The following DENND2A variants were observed in gnomAD, a reference collection of about 807,000 sequenced individuals.
DENND2A encodes DENN domain containing 2A, also known as DENN domain-containing protein 2A.
In DENND2A, 53 loss-of-function variants were observed where a neutral mutation model predicts 105.3. The observed-to-expected ratio is 0.50, with a 90% CI of 0.40 to 0.63. The LOEUF (loss-of-function observed/expected upper bound fraction) is 0.63, where lower values mean the gene tolerates loss of function less well. Ranked by LOEUF, DENND2A falls within the 30% of genes least tolerant of loss-of-function variation. The probability of loss-of-function intolerance (pLI) is 0.00; values close to 1 mark genes in which losing one functional copy is unlikely to be tolerated. For missense variants in DENND2A, 1,138 were observed against 1,279.6 expected, an observed-to-expected ratio of 0.89 and a Z score of 1.69; for synonymous variants, 522 against 508.4, an observed-to-expected ratio of 1.03 and a Z score of -0.36.
chr7:140,519,848 G>C, intron 18 of DENND2A, 130 bp from the exon 19 acceptor site: 2 of 772,804 alleles, frequency 2.6e-6, no homozygotes, highest in African/African-American at 1.7e-5. Context: ...AACATGCTCT[G>C]AATCAGGAGG....
chr7:140,639,964 C>T (rs890408283), intron 1 of DENND2A, among the ~76,000 whole-genome samples: 2 of 152,256 alleles, frequency 1.3e-5, no homozygotes, highest in African/African-American at 4.8e-5. Context: ...CAACTCCACC[C>T]TTGGGGACAA....
chr7:140,540,594 C>T (rs1421060493), intron 14 of DENND2A, among the ~76,000 whole-genome samples: 1 of 152,236 alleles, frequency 6.6e-6, no homozygotes, highest in Non-Finnish European at 1.5e-5. Flanking sequence ...TCTCTGGTGA[C>T]AGCAGCTCTG....
In DENND2A at chr7:140,546,811, A is replaced by G. The variant is rs1313108105; in HGVS notation, c.2166T>C (p.Gly722=). 1 of 1,614,002 alleles carries G rather than the reference A, an allele frequency of 6.2e-7. No homozygotes were observed. The highest frequency in any genetic ancestry group is 2.2e-5 in the East Asian group (1 of 44,904). Residue 722 remains glycine, a synonymous_variant, in exon 13 of 20, where the codon GGT becomes GGC. Coordinates refer to ENST00000496613, the MANE Select transcript of DENND2A (RefSeq NM_015689.5). Reference sequence around the variant, plus strand: ...TCTGACAACTCACCTCAGTTCCTGAACCTGGCAGGAAGTTCTTGACAAGGA... The same window carrying G: ...TCTGACAACTCACCTCAGTTCCTGAGCCTGGCAGGAAGTTCTTGACAAGGA... ...KTILVKNFLP[G]SGTEVIELCR...
Position 140,601,408 on chromosome 7 carries a change from G to T in DENND2A, c.990C>A (p.Asp330Glu), listed in dbSNP as rs1213322421. 16 of 1,592,560 alleles carry T rather than the reference G, an allele frequency of 1.0e-5. No homozygotes were observed. The South Asian group carries it at 1.7e-4, about 17-fold the overall frequency. Residue 330 changes from aspartate to glutamate, a missense_variant, in exon 3 of 20, where the codon GAC (aspartate) becomes GAA (glutamate). By Grantham distance (45) the Asp-to-Glu change is conservative. Coordinates refer to ENST00000496613, the MANE Select transcript of DENND2A (RefSeq NM_015689.5). ...CTGGCCACACCGGCACCTACCTGTG[G>T]TCTGCACTGGATTTCTGTCTCCCGG... is the stretch of plus-strand genomic sequence containing the variant. Reference protein sequence around the residue: ...LWTGRQKSSADHRKSYEFEDL... With the variant: ...LWTGRQKSSAEHRKSYEFEDL...
intron 12 of DENND2A, among the ~76,000 whole-genome samples, chr7:140,554,197 G>C (rs1797266817): frequency 6.6e-6 from 1 of 151,894 alleles, no homozygotes; most frequent in African/African-American, 2.4e-5. Flanking sequence ...TTGCACTCCA[G>C]CCTGGCGACA....
chr7:140,533,680 C>G (rs754530514), intron 14 of DENND2A, among the ~76,000 whole-genome samples: 1 of 152,164 alleles, frequency 6.6e-6, no homozygotes, highest in African/African-American at 2.4e-5. Context: ...GATGACGACT[C>G]GGCTGGGGAA....
At position 140,585,032 on chromosome 7, in the gene DENND2A, C is replaced by T. The variant is rs377557965; in HGVS notation, c.1245+557G>A. On this transcript the variant is annotated intron_variant, in intron 5 of 19. Transcript: ENST00000496613. ...TGGCCAACATGGTGAAACCCCGTCT[C>T]TACAAAAAATACAAAAATTAGCTGG... 2.2e-4 allele frequency among the ~76,000 whole-genome samples: 33 copies of T among 152,238 alleles called. No individual in the cohort carries two copies. In the East Asian group the frequency reaches 3.1e-3, roughly 14 times the overall value.
At position 140,623,091 on chromosome 7, in the gene DENND2A, T is replaced by C. The variant is rs548871527; in HGVS notation, c.-247-17285A>G. Among the ~76,000 whole-genome samples, 5 of 151,792 alleles carry C rather than the reference T, an allele frequency of 3.3e-5. No homozygotes were observed. The East Asian group carries it at 9.9e-4, about 30-fold the overall frequency. On this transcript the variant is annotated intron_variant, in intron 1 of 19. Transcript: ENST00000496613. ...GGCTCACGCCTGTAATCCCAGCACT[T>C]TGGGAGGCTGAGGCGGGCAGATTAC...
At chr7:140,594,198 G>A (rs949406995) in intron 3 of DENND2A, among the ~76,000 whole-genome samples, 5 of 151,948 alleles carry the variant, frequency 3.3e-5, no homozygotes, top group African/African-American at 4.8e-5. Flanking sequence ...GTGAGCCACC[G>A]TGCCCGGCCT....
At chr7:140,626,327 C>T (rs1169530430) in intron 1 of DENND2A, among the ~76,000 whole-genome samples, 4 of 152,230 alleles carry the variant, frequency 2.6e-5, no homozygotes, top group African/African-American at 9.6e-5. Context: ...AGCCCTCAGG[C>T]TGCCATTTTG....
intron 12 of DENND2A, among the ~76,000 whole-genome samples, chr7:140,552,247 G>A (rs1279417377): frequency 6.6e-6 from 1 of 152,102 alleles, no homozygotes; most frequent in Admixed American, 6.6e-5. Flanking sequence ...GGAGGGGAGG[G>A]GAGACCTTGG....
At chr7:140,588,258 C>T (rs1271139310) in intron 3 of DENND2A, among the ~76,000 whole-genome samples, 2 of 152,020 alleles carry the variant, frequency 1.3e-5, no homozygotes, top group Non-Finnish European at 2.9e-5. Flanking sequence ...AGAGATGTGG[C>T]TTTTATGTGC....
intron 13 of DENND2A, 135 bp downstream of exon 13, chr7:140,546,663 CT>C (rs1202121134): frequency 1.7e-6 from 2 of 1,148,214 alleles, no homozygotes; most frequent in African/African-American, 1.6e-5. Context: ...GATGAGTGAT[CT>C]GGGCCAGCTC....
Position 140,635,412 on chromosome 7 carries a change from A to C in DENND2A, c.-248+5092T>G, listed in dbSNP as rs972390543. On this transcript the variant is annotated intron_variant, in intron 1 of 19. Transcript: ENST00000496613. Reference sequence around the variant, plus strand: ...AACAACAAAAGGAAATGCATTTGGCATTCTGCTTGAAGTGGTCTGATAAGC... The same window carrying C: ...AACAACAAAAGGAAATGCATTTGGCCTTCTGCTTGAAGTGGTCTGATAAGC... Among the ~76,000 whole-genome samples the C allele has an allele frequency of 4.6e-5, 7 of 152,240 alleles. No homozygotes were observed. The East Asian group carries it at 1.3e-3, about 29-fold the overall frequency.
chr7:140,529,877 G>A (rs1796197198), intron 14 of DENND2A, among the ~76,000 whole-genome samples: 1 of 152,038 alleles, frequency 6.6e-6, no homozygotes, highest in African/African-American at 2.4e-5. Flanking sequence ...CACCAACATG[G>A]CACATGTATA....
At chr7:140,624,007 C>T (rs1191824795) in intron 1 of DENND2A, among the ~76,000 whole-genome samples, 1 of 152,254 alleles carries the variant, frequency 6.6e-6, no homozygotes, top group East Asian at 1.9e-4. Flanking sequence ...CCACACCTAA[C>T]GCCCCGGCAG....
chr7:140,535,722 C>T (rs569362103), intron 14 of DENND2A, among the ~76,000 whole-genome samples: 15 of 152,094 alleles, frequency 9.9e-5, no homozygotes, highest in Non-Finnish European at 1.9e-4. Context: ...GCTGGGATTA[C>T]AGGCATGTGC....
At chr7:140,618,809 T>C (rs576628545) in intron 1 of DENND2A, among the ~76,000 whole-genome samples, 2 of 152,118 alleles carry the variant, frequency 1.3e-5, no homozygotes, top group Non-Finnish European at 2.9e-5. Context: ...TTCCTTTTTT[T>C]TTTTCTTTTT....
At chr7:140,526,605 C>A (rs1453433537) in intron 15 of DENND2A, among the ~76,000 whole-genome samples, 1 of 152,212 alleles carries the variant, frequency 6.6e-6, no homozygotes, top group South Asian at 2.1e-4. Flanking sequence ...CACAGGGCAC[C>A]CAGACGAACT....
Sources: gnomAD v4.1 joint callset for allele counts (sites outside exome capture counted in the v4.1 genomes callset) on GRCh38, gnomAD v4.1.1 for gene constraint, MANE v1.5 for transcripts, NCBI Gene and HGNC (gene_info 2026-07-23, HGNC 2026-07-21) for gene names.